ASB3: variants seen among roughly 807,000 people sequenced by gnomAD.
ASB3 encodes the protein ankyrin repeat and SOCS box protein 3.
A neutral mutation model predicts 54.5 loss-of-function variants in ASB3; 41 were observed. The ratio of observed to expected loss-of-function variants is 0.75; its 90% CI spans 0.59 to 0.98. The LOEUF is 0.98. Among genes scored for constraint, ASB3 ranks in the 50% least tolerant of loss-of-function variants. The pLI, the probability that ASB3 is intolerant of heterozygous loss-of-function variation, is 0.00. For missense variants in ASB3, 733 were observed against 620.0 expected, an observed-to-expected ratio of 1.18 and a Z score of -1.94; for synonymous variants, 266 against 221.2, an observed-to-expected ratio of 1.20 and a Z score of -1.80.
At chr2:53,767,665 G>A in intron 1 of ASB3, 2 of 576,268 alleles carry the variant, frequency 3.5e-6, no homozygotes, top group Middle Eastern at 4.7e-4. Context: ...TACACCGAAG[G>A]TCAATGCCTC....
chr2:53,773,772 C>T (rs908894349), intron 1 of ASB3, among the ~76,000 whole-genome samples: 5 of 151,750 alleles, frequency 3.3e-5, no homozygotes, highest in Admixed American at 3.3e-4. Context: ...TGGTGGTTCA[C>T]ACCTGTAATC....
At chr2:53,692,243 A>T (rs1668955756) in intron 9 of ASB3, among the ~76,000 whole-genome samples, 1 of 152,174 alleles carries the variant, frequency 6.6e-6, no homozygotes, top group Non-Finnish European at 1.5e-5. Flanking sequence ...AGCACTCCCA[A>T]ACCACCTCAT....
Position 53,670,672 on chromosome 2 carries a change from G to C in ASB3, c.1388C>G (p.Thr463Ser), listed in dbSNP as rs1227666165. ...QQHIATVPSL[T>S]HLCRLEIRSS... ...CCGAATTTCCAAACGACAAAGATGG[G>C]TCAGGGATGGAACAGTGGCTGGAGA... The change falls in exon 10 of 10, where the codon ACC (threonine) becomes AGC (serine). Residue 463 changes from threonine to serine, a missense_variant. Coordinates refer to ENST00000263634, the MANE Select transcript of ASB3 (RefSeq NM_016115.5). 3 of 1,613,594 alleles carry C rather than the reference G, an allele frequency of 1.9e-6. No individual in the cohort carries two copies. In the Admixed American group the frequency reaches 5.0e-5, roughly 27 times the overall value.
intron 7 of ASB3, among the ~76,000 whole-genome samples, chr2:53,703,504 C>T (rs1199058449): frequency 6.6e-6 from 1 of 152,160 alleles, no homozygotes; most frequent in Non-Finnish European, 1.5e-5. Context: ...GAGGCCAAGG[C>T]AGGAGGATCA....
At chr2:53,777,030 C>A (rs1017733979) in intron 1 of ASB3, among the ~76,000 whole-genome samples, 1 of 152,096 alleles carries the variant, frequency 6.6e-6, no homozygotes, top group African/African-American at 2.4e-5. Flanking sequence ...TTTTACCTTT[C>A]TAAAATACTA....
intron 9 of ASB3, among the ~76,000 whole-genome samples, chr2:53,679,322 T>C (rs1025171986): frequency 6.6e-6 from 1 of 152,118 alleles, no homozygotes; most frequent in Non-Finnish European, 1.5e-5. Context: ...CAGCAACCAT[T>C]CCAAAACACC....
intron 2 of ASB3, 119 bp from the exon 3 acceptor site, chr2:53,751,060 C>G (rs914516420): frequency 3.4e-6 from 4 of 1,184,964 alleles, no homozygotes; most frequent in Non-Finnish European, 4.4e-6. Context: ...GTATAAATGA[C>G]AGGTTTCACC....
intron 3 of ASB3, among the ~76,000 whole-genome samples, chr2:53,736,716 AT>A (rs1289900080): frequency 7.3e-6 from 1 of 136,580 alleles, no homozygotes; most frequent in African/African-American, 2.8e-5. Context: ...AAAAAAAAAA[AT>A]TGAGTAGGGC....
At chr2:53,718,997 T>G (rs1394205792) in intron 5 of ASB3, among the ~76,000 whole-genome samples, 4 of 152,210 alleles carry the variant, frequency 2.6e-5, no homozygotes, top group Admixed American at 2.6e-4. Flanking sequence ...CTCGGCTTAC[T>G]GCAACCTCTG....
intron 1 of ASB3, among the ~76,000 whole-genome samples, chr2:53,782,947 C>G (rs749033375): frequency 3.3e-5 from 5 of 152,026 alleles, no homozygotes; most frequent in Non-Finnish European, 5.9e-5. Context: ...CCAAGACTTC[C>G]GGCTAATTTT....
chr2:53,675,519 G>T (rs1207540098), intron 9 of ASB3, among the ~76,000 whole-genome samples: 1 of 152,104 alleles, frequency 6.6e-6, no homozygotes, highest in Non-Finnish European at 1.5e-5. Flanking sequence ...AGTTTATTCT[G>T]ATACATGGAT....
intron 8 of ASB3, 97 bp downstream of exon 8, chr2:53,700,174 G>A: frequency 6.7e-7 from 1 of 1,488,286 alleles, no homozygotes; most frequent in Non-Finnish European, 9.0e-7. Context: ...TCAAAACACA[G>A]ATACCCTTCT....
intron 1 of ASB3, among the ~76,000 whole-genome samples, chr2:53,770,332 A>G (rs1673811116): frequency 6.6e-6 from 1 of 152,162 alleles, no homozygotes; most frequent in Non-Finnish European, 1.5e-5. Context: ...CTAAAAGGAA[A>G]TAGCAACAAA....
At chr2:53,743,448 C>T (rs1337432883) in intron 3 of ASB3, among the ~76,000 whole-genome samples, 1 of 152,134 alleles carries the variant, frequency 6.6e-6, no homozygotes, top group Non-Finnish European at 1.5e-5. Flanking sequence ...AACTTCTAAG[C>T]TATTTAACCG....
intron 9 of ASB3, among the ~76,000 whole-genome samples, chr2:53,688,828 A>G (rs1668763721): frequency 6.6e-6 from 1 of 152,112 alleles, no homozygotes; most frequent in Non-Finnish European, 1.5e-5. Context: ...AGAAATACCT[A>G]ATGTAGAAGA....
intron 3 of ASB3, among the ~76,000 whole-genome samples, chr2:53,734,250 T>C (rs1411289851): frequency 6.6e-6 from 1 of 152,216 alleles, no homozygotes; most frequent in East Asian, 1.9e-4. Flanking sequence ...TTGTTCCTCA[T>C]ATTGTCTCTT....
At chr2:53,743,809 G>A (rs564991067) in intron 3 of ASB3, among the ~76,000 whole-genome samples, 17 of 152,294 alleles carry the variant, frequency 1.1e-4, no homozygotes, top group African/African-American at 2.4e-4. Context: ...TCGGGAGGCC[G>A]AGGCAGGCGG....
At chr2:53,732,507 G>A (rs1015489146) in intron 3 of ASB3, among the ~76,000 whole-genome samples, 1 of 152,164 alleles carries the variant, frequency 6.6e-6, no homozygotes, top group Non-Finnish European at 1.5e-5. Context: ...ATATGAAGGA[G>A]AGTGAAGGTA....
intron 7 of ASB3, among the ~76,000 whole-genome samples, chr2:53,712,942 T>C (rs1414089812): frequency 6.6e-6 from 1 of 152,128 alleles, no homozygotes; most frequent in African/African-American, 2.4e-5. Context: ...AGACAAAACT[T>C]AACGGGGTAC....
Sources: allele counts gnomAD v4.1 joint callset (sites outside exome capture counted in the v4.1 genomes callset), GRCh38; gene constraint gnomAD v4.1.1; transcripts MANE v1.5; gene names NCBI Gene and HGNC (gene_info 2026-07-23, HGNC 2026-07-21).